LAG3: variants seen among roughly 807,000 people sequenced by gnomAD.
LAG3 encodes lymphocyte activating 3.
A neutral mutation model predicts 49.0 loss-of-function variants in LAG3; 29 were observed. The ratio of observed to expected loss-of-function variants is 0.59; its 90% CI spans 0.44 to 0.81. The LOEUF (loss-of-function observed/expected upper bound fraction) is 0.81. LAG3 is among the 30% of genes least tolerant of loss of function. The pLI, the probability that LAG3 is intolerant of heterozygous loss-of-function variation, is 0.00. For missense variants in LAG3, 693 were observed against 695.2 expected, an observed-to-expected ratio of 1.00 and a Z score of 0.04; for synonymous variants, 320 against 297.3, an observed-to-expected ratio of 1.08 and a Z score of -0.79.
chr12:6,777,981 T>C (rs775877511), intron 7 of LAG3, 60 bp downstream of exon 7: 1 of 1,606,952 alleles, frequency 6.2e-7, no homozygotes, highest in Non-Finnish European at 8.5e-7. Flanking sequence ...ATCCTCAGAG[T>C]GCTGATGGCA....
Position 6,773,914 on chromosome 12 carries a change from G to A in LAG3, c.424G>A (p.Ala142Thr), listed in dbSNP as rs1400001684. Residue 142 changes from alanine to threonine, a missense_variant, in exon 3 of 8, where the codon GCG (alanine) becomes ACG (threonine). Coordinates refer to ENST00000203629, the MANE Select transcript of LAG3 (RefSeq NM_002286.6). This position sits in a 1 kb window ranked among gnomAD's most constrained non-coding sequence, Gnocchi z 5.5. The stretch of plus-strand genomic sequence containing the variant: ...GCTATGGCTGCGCCCAGCCCGGCGC[G>A]CGGACGCCGGCGAGTACCGCGCCGC... ...FSLWLRPARR[A>T]DAGEYRAAVH... 6.5e-6 allele frequency: 9 copies of A among 1,380,398 alleles called. No homozygotes were observed. Among genetic ancestry groups the A allele is most frequent in the African/African-American group, 1.5e-5 (1 of 65,576 alleles). 85.5% of individuals were successfully genotyped at this position (1,380,398 alleles called of 1,614,324 possible).
Position 6,772,802 on chromosome 12 carries a change from C to G in LAG3, c.-51C>G. 1 of 1,435,030 alleles carries G rather than the reference C, an allele frequency of 7.0e-7. No individual in the cohort carries two copies. The highest frequency in any genetic ancestry group is 9.6e-7 in the Non-Finnish European group (1 of 1,044,030). 88.9% of individuals were successfully genotyped at this position (1,435,030 alleles called of 1,614,324 possible). ...CCACCCCCCACCACTGCCCCCTTTC[C>G]TTTTCTGACCTCCTTTTGGAGGGCT... is the stretch of plus-strand genomic sequence containing the variant. On this transcript the variant is annotated 5_prime_UTR_variant, in exon 1 of 8. Coordinates refer to ENST00000203629, the MANE Select transcript of LAG3 (RefSeq NM_002286.6).
chr12:6,777,893 C>G lies in LAG3; in HGVS notation c.1403C>G (p.Ala468Gly). 6.2e-7 allele frequency: 1 copy of G among 1,613,818 alleles called. No homozygotes were observed. Among genetic ancestry groups the G allele is most frequent in the South Asian group, 1.1e-5 (1 of 91,082 alleles). Reference sequence around the variant, plus strand: ...TCTCTGCTCCTTTTGGTGACTGGAGCCTTTGGCTTTCACCTTTGGAGAAGA... The same window carrying G: ...TCTCTGCTCCTTTTGGTGACTGGAGGCTTTGGCTTTCACCTTTGGAGAAGA... Reference protein sequence around the residue: ...VLSLLLLVTGAFGFHLWRRQW... With the variant: ...VLSLLLLVTGGFGFHLWRRQW... Residue 468 changes from alanine to glycine, a missense_variant, in exon 7 of 8, where the codon GCC becomes GGC. Coordinates refer to ENST00000203629, the MANE Select transcript of LAG3 (RefSeq NM_002286.6).
chr12:6,776,259 A>T (rs1163607399), intron 5 of LAG3, among the ~76,000 whole-genome samples: 1 of 152,090 alleles, frequency 6.6e-6, no homozygotes, highest in Non-Finnish European at 1.5e-5. Context: ...ACCACCTCTC[A>T]GCCGCCTTAC....
At chr12:6,776,430 A>G (rs1319185156) in intron 5 of LAG3, among the ~76,000 whole-genome samples, 1 of 152,166 alleles carries the variant, frequency 6.6e-6, no homozygotes, top group African/African-American at 2.4e-5. Flanking sequence ...TTGAAGGTCA[A>G]CTGTTTTATG....
At position 6,773,348 on chromosome 12, in the gene LAG3, C is replaced by T; in HGVS notation, c.206+9C>T. On this transcript the variant is annotated intron_variant, in intron 2 of 7. Coordinates refer to ENST00000203629, the MANE Select transcript of LAG3 (RefSeq NM_002286.6). This position sits in a 1 kb window ranked among gnomAD's most constrained non-coding sequence, Gnocchi z 5.5. Reference sequence around the variant, plus strand: ...CAGCATCAGCCAGACAGGTATGCACCCCAAACTTGGGCAACAGGACCTCCG... The same window carrying T: ...CAGCATCAGCCAGACAGGTATGCACTCCAAACTTGGGCAACAGGACCTCCG... The T allele has an allele frequency of 5.0e-6, 8 of 1,613,230 alleles. No homozygotes were observed. The highest frequency in any genetic ancestry group is 6.8e-6 in the Non-Finnish European group (8 of 1,179,812).
rs1451460467 is a variant in LAG3 at position 6,772,726 on chromosome 12, T to A, written c.-127T>A. On this transcript the variant is annotated 5_prime_UTR_variant, in exon 1 of 8. Transcript: ENST00000203629. ...AAGGCCCTCTCCTGGTCTCCCTTCT[T>A]CTAGAACCCCTTCCTCCACCTCCCT... 6.7e-6 allele frequency: 5 copies of A among 743,572 alleles called. No individual in the cohort carries two copies. Among genetic ancestry groups the A allele is most frequent in the Non-Finnish European group, 9.0e-6 (4 of 445,630 alleles). 46.1% of individuals were successfully genotyped at this position (743,572 alleles called of 1,614,324 possible).
Position 6,773,409 on chromosome 12 carries a change from C to A in LAG3, c.206+70C>A. On this transcript the variant is annotated intron_variant, in intron 2 of 7. Coordinates refer to ENST00000203629, the MANE Select transcript of LAG3 (RefSeq NM_002286.6). This position sits in a 1 kb window ranked among gnomAD's most constrained non-coding sequence, Gnocchi z 5.5. ...TCAACCCCACACCCGTGCCGGTCCT[C>A]TGTCCCCTGCCCTGAGGTGTCACTC... 1.3e-6 allele frequency: 2 copies of A among 1,565,852 alleles called. No individual in the cohort carries two copies. Among genetic ancestry groups the A allele is most frequent in the East Asian group, 2.3e-5 (1 of 44,234 alleles).
chr12:6,777,368 C>G lies in LAG3; in HGVS notation c.1162C>G (p.Pro388Ala). The G allele has an allele frequency of 2.5e-6, 4 of 1,614,168 alleles. No individual in the cohort carries two copies. The highest frequency in any genetic ancestry group is 3.4e-6 in the Non-Finnish European group (4 of 1,180,036). Reference protein sequence around the residue: ...ERFVWSSLDTPSQRSFSGPWL... With the variant: ...ERFVWSSLDTASQRSFSGPWL... ...CTTTGTGTGGAGCTCTCTGGACACC[C>G]CATCCCAGAGGAGTTTCTCAGGACC... The change falls in exon 6 of 8, where the codon CCA (proline) becomes GCA (alanine). Residue 388 changes from proline to alanine, a missense_variant. Pro to Ala is a conservative substitution (Grantham distance 27, BLOSUM62 -1). Transcript: ENST00000203629.
rs1941866160 is a variant in LAG3 at position 6,773,435 on chromosome 12, C to T, written c.206+96C>T. The T allele has an allele frequency of 2.8e-6, 4 of 1,430,572 alleles. No individual in the cohort carries two copies. Among genetic ancestry groups the T allele is most frequent in the Non-Finnish European group, 3.8e-6 (4 of 1,049,498 alleles). 88.6% of individuals were successfully genotyped at this position (1,430,572 alleles called of 1,614,324 possible). Reference sequence around the variant, plus strand: ...TGTCCCCTGCCCTGAGGTGTCACTCCCTCTGAAGCCAGTGACCCAGTCTCC... The same window carrying T: ...TGTCCCCTGCCCTGAGGTGTCACTCTCTCTGAAGCCAGTGACCCAGTCTCC... On this transcript the variant is annotated intron_variant, in intron 2 of 7. Transcript: ENST00000203629. This position sits in a 1 kb window ranked among gnomAD's most constrained non-coding sequence, Gnocchi z 5.5.
chr12:6,773,089 C>A lies in LAG3; in HGVS notation c.59-103C>A. On this transcript the variant is annotated intron_variant, in intron 1 of 7. Coordinates refer to ENST00000203629, the MANE Select transcript of LAG3 (RefSeq NM_002286.6). This position sits in a 1 kb window ranked among gnomAD's most constrained non-coding sequence, Gnocchi z 5.5. ...CAGAGAAGAAACAGAAACCCAAGTT[C>A]TTCCTGCACCCTGTTTCTCCCTCGG... The A allele has an allele frequency of 6.9e-7, 1 of 1,456,298 alleles. No homozygotes were observed. The highest frequency in any genetic ancestry group is 1.3e-5 in the South Asian group (1 of 76,946). The allele number at this position is 1,456,298 out of a possible 1,614,324, so 90.2% of individuals were successfully genotyped here.
Position 6,774,835 on chromosome 12 carries a change from T to C in LAG3, c.752T>C (p.Val251Ala). ...CILTYRDGFN[V>A]SIMYNLTVLG... ...CTCACCTACAGAGATGGCTTCAACG[T>C]CTCCATCATGTATAACCTCACTGTT... Residue 251 changes from valine (V) to alanine (A), a missense_variant, in exon 4 of 8, where the codon GTC becomes GCC. Val to Ala is a moderately conservative substitution (Grantham distance 64). Coordinates refer to ENST00000203629, the MANE Select transcript of LAG3 (RefSeq NM_002286.6). 1.2e-6 allele frequency: 2 copies of C among 1,613,964 alleles called. No individual in the cohort carries two copies. The highest frequency in any genetic ancestry group is 1.7e-6 in the Non-Finnish European group (2 of 1,179,952).
chr12:6,774,065 A>G, intron 3 of LAG3, 64 bp downstream of exon 3: 3 of 1,369,442 alleles, frequency 2.2e-6, no homozygotes, highest in Non-Finnish European at 2.8e-6. Context: ...GCCTCCCGGG[A>G]CGCAGGAAGG....
At position 6,772,919 on chromosome 12, in the gene LAG3, G is replaced by A; in HGVS notation, c.58+9G>A. On this transcript the variant is annotated intron_variant, in intron 1 of 7. Coordinates refer to ENST00000203629, the MANE Select transcript of LAG3 (RefSeq NM_002286.6). ...GCTTTGGGTGGCTCCAGGTAAAACG[G>A]GGATGGCGGGAGGGTTGACCTCCAG... 4 of 1,613,802 alleles carry A rather than the reference G, an allele frequency of 2.5e-6. No homozygotes were observed. Among genetic ancestry groups the A allele is most frequent in the Non-Finnish European group, 3.4e-6 (4 of 1,179,886 alleles).
At chr12:6,777,641 G>T in intron 6 of LAG3, 135 bp downstream of exon 6, 1 of 1,462,020 alleles carries the variant, frequency 6.8e-7, no homozygotes, top group Non-Finnish European at 9.3e-7. Flanking sequence ...TTTGCCTAGG[G>T]TTGACCCGTT....
At chr12:6,777,648 C>G (rs546691902) in intron 6 of LAG3, 142 bp downstream of exon 6, 33 of 1,445,470 alleles carry the variant, frequency 2.3e-5, no homozygotes, top group Non-Finnish European at 3.0e-5. Context: ...AGGGTTGACC[C>G]GTTTCCGCCA....
rs1941855676 is a variant in LAG3, at chr12:6,772,588, G to A, written c.-265G>A. On this transcript the variant is annotated 5_prime_UTR_variant, in exon 1 of 8. Coordinates refer to ENST00000203629, the MANE Select transcript of LAG3 (RefSeq NM_002286.6). ...TCTGTCTGCTCTCCGCCACGGCCCTGCTCTGTTCCCTGGGACACCCCCGCC... is the reference window on the plus strand; with the variant it reads ...TCTGTCTGCTCTCCGCCACGGCCCTACTCTGTTCCCTGGGACACCCCCGCC... The A allele has an allele frequency of 3.9e-6, 2 of 510,944 alleles. No individual in the cohort carries two copies. The highest frequency in any genetic ancestry group is 7.0e-6 in the Non-Finnish European group (2 of 285,126). The allele number at this position is 510,944 out of a possible 1,614,324, so 31.7% of individuals were successfully genotyped here.
At position 6,775,388 on chromosome 12, in the gene LAG3, T is replaced by C; in HGVS notation, c.897T>C (p.Thr299=). ...GGTCTTTCCTCACTGCCAAGTGGAC[T>C]CCTCCTGGGGGAGGCCCTGACCTCC... ...GTRSFLTAKW[T]PPGGGPDLLV... Residue 299 remains threonine (T), a synonymous_variant, in exon 5 of 8, where the codon ACT becomes ACC. Transcript: ENST00000203629. 1 of 1,614,218 alleles carries C rather than the reference T, an allele frequency of 6.2e-7. No individual in the cohort carries two copies. Among genetic ancestry groups the C allele is most frequent in the Non-Finnish European group, 8.5e-7 (1 of 1,180,044 alleles).
chr12:6,774,014 G>A lies in LAG3; in HGVS notation c.511+13G>A. ...GGCCAGGCCTCGAGTATGTGGGGCGGGACGATGGGAGAAGGGCTGGGAGGT... is the reference window on the plus strand; with the variant it reads ...GGCCAGGCCTCGAGTATGTGGGGCGAGACGATGGGAGAAGGGCTGGGAGGT... On this transcript the variant is annotated intron_variant, in intron 3 of 7. Transcript: ENST00000203629. 1 of 1,401,888 alleles carries A rather than the reference G, an allele frequency of 7.1e-7. No individual in the cohort carries two copies. Among genetic ancestry groups the A allele is most frequent in the Non-Finnish European group, 9.2e-7 (1 of 1,090,054 alleles). 86.8% of individuals were successfully genotyped at this position (1,401,888 alleles called of 1,614,324 possible).
Sources: allele counts gnomAD v4.1 joint callset (sites outside exome capture counted in the v4.1 genomes callset), GRCh38; gene constraint gnomAD v4.1.1; non-coding constraint Gnocchi (gnomAD v3.1); transcripts MANE v1.5; gene names NCBI Gene and HGNC (gene_info 2026-07-23, HGNC 2026-07-21).